The following MUC4 variants were observed in gnomAD, a reference collection of about 807,000 sequenced individuals.
The protein encoded by MUC4 is mucin 4, cell surface associated, also known as mucin-4.
MUC4 carries 202 observed loss-of-function variants against 257.9 expected under a neutral mutation model. The observed-to-expected ratio is 0.78, with a 90% CI of 0.70 to 0.88. The LOEUF is 0.88. Among genes scored for constraint, MUC4 ranks in the 40% least tolerant of loss-of-function variants. The probability of loss-of-function intolerance (pLI) is 0.00; values close to 1 mark genes in which losing one functional copy is unlikely to be tolerated. For synonymous variants in MUC4, 2,351 were observed against 2,757.1 expected, an observed-to-expected ratio of 0.85 and a Z score of 4.62; for missense variants, 5,976 against 6,513.7, an observed-to-expected ratio of 0.92 and a Z score of 2.84.
intron 17 of MUC4, among the ~76,000 whole-genome samples, chr3:195,758,047 AAG>A (rs1245851972): frequency 6.6e-6 from 1 of 152,216 alleles, no homozygotes; most frequent in Admixed American, 6.5e-5. Context: ...CACAGAGAGA[AAG>A]AACATCAGGC....
chr3:195,778,522 C>A (rs1428960634), intron 2 of MUC4, 67 bp from the exon 3 acceptor site: 2 of 1,580,446 alleles, frequency 1.3e-6, no homozygotes, highest in Non-Finnish European at 1.7e-6. Flanking sequence ...CAAAGAGATT[C>A]AAAGAAATCA....
At chr3:195,802,914 C>T in intron 1 of MUC4, among the ~76,000 whole-genome samples, 1 of 152,146 alleles carries the variant, frequency 6.6e-6, no homozygotes, top group Non-Finnish European at 1.5e-5. Flanking sequence ...AGGCCGTTTT[C>T]CTCAGCCTAA....
In MUC4 at chr3:195,790,060, G is replaced by A; in HGVS notation, c.1520C>T (p.Ser507Leu). The change falls in exon 2 of 25, where the codon TCA becomes TTA. Residue 507 changes from serine (S) to leucine (L), a missense_variant. This residue lies in a region of MUC4 where 1,583 missense variants were observed against 1,257.4 expected (regional missense o/e 1.26). Transcript: ENST00000463781. ...HTTWSQTELPSTSTGAATRLV... is the reference protein window; with the variant it reads ...HTTWSQTELPLTSTGAATRLV... ...CCTAGTGGCAGCACCTGTTGATGTT[G>A]AGGGCAGTTCTGTTTGTGACCAAGT... is the stretch of plus-strand genomic sequence containing the variant. 9 of 1,614,048 alleles carry A rather than the reference G, an allele frequency of 5.6e-6. No homozygotes were observed. The highest frequency in any genetic ancestry group is 7.6e-6 in the Non-Finnish European group (9 of 1,179,892).
Position 195,782,634 on chromosome 3 carries a change from AGTGT to A in MUC4, c.8942_8945del (p.Asp2981ValfsTer22). 4.4e-6 allele frequency: 4 copies of A among 907,218 alleles called. 2 individuals carry two copies. The African/African-American group carries it at 6.9e-5, about 16-fold the overall frequency. The allele number at this position is 907,218 out of a possible 1,614,324, so 56.2% of individuals were successfully genotyped here. On this transcript the variant is annotated frameshift_variant, in exon 2 of 25. Transcript: ENST00000463781. LOFTEE classifies it high-confidence loss of function. The stretch of plus-strand genomic sequence containing the variant: ...TGGCGTGACCTGTGGATGCTGAGGA[AGTGT>A]CGGTGTCAGGAAGAGGGGTGGCGTG...
rs1725635982 is a variant in MUC4 at position 195,778,712 on chromosome 3, T to C, written c.12790+78A>G. 6.2e-6 allele frequency: 9 copies of C among 1,442,086 alleles called. No individual in the cohort carries two copies. In the South Asian group the frequency reaches 1.1e-4, roughly 17 times the overall value. The allele number at this position is 1,442,086 out of a possible 1,614,324, so 89.3% of individuals were successfully genotyped here. On this transcript the variant is annotated intron_variant, in intron 2 of 24. Transcript: ENST00000463781. ...CCACCAGGTAATGCGAATGCACCAG[T>C]GTTCTCAGGTACTCCTTAGGCTGAA...
chr3:195,763,187 T>C (rs371524479), intron 12 of MUC4, among the ~76,000 whole-genome samples: 4 of 152,364 alleles, frequency 2.6e-5, no homozygotes, highest in African/African-American at 9.6e-5. Context: ...GTCATCCCCA[T>C]TCTTACTAGG....
At position 195,757,303 on chromosome 3, in the gene MUC4, G is replaced by C; in HGVS notation, c.15012C>G (p.Pro5004=). 3 of 1,608,134 alleles carry C rather than the reference G, an allele frequency of 1.9e-6. No individual in the cohort carries two copies. The South Asian group carries it at 3.3e-5, about 18-fold the overall frequency. Residue 5004 remains proline (P), a synonymous_variant, in exon 18 of 25, where the codon CCC becomes CCG. Transcript: ENST00000463781. The surrounding 1 kb of genome is among the most constrained non-coding windows in gnomAD (Gnocchi z 4.8). ...LFENGTLLWT[P]KSLEPFTLEI... ...CCAGAGTGAATGGCTCCAGCGACTT[G>C]GGTGTCCACAGCAACGTCCCATTCT... is the stretch of plus-strand genomic sequence containing the variant.
chr3:195,811,139 TA>T (rs1736661319), intron 1 of MUC4, among the ~76,000 whole-genome samples: 1 of 148,342 alleles, frequency 6.7e-6, no homozygotes, highest in Non-Finnish European at 1.5e-5. Context: ...TTTTTTATTT[TA>T]TTTTATATTT....
Position 195,747,077 on chromosome 3 carries a change from A to G in MUC4, c.*99T>C, listed in dbSNP as rs1715173140. The G allele has an allele frequency of 1.4e-6, 2 of 1,470,884 alleles. No homozygotes were observed. The highest frequency in any genetic ancestry group is 1.9e-6 in the Non-Finnish European group (2 of 1,060,222). The allele number at this position is 1,470,884 out of a possible 1,614,324, so 91.1% of individuals were successfully genotyped here. A position where few individuals can be genotyped will look rare whatever the true frequency, so the allele number is the denominator to read the frequency against. On this transcript the variant is annotated 3_prime_UTR_variant, in exon 25 of 25. Coordinates refer to ENST00000463781, the MANE Select transcript of MUC4 (RefSeq NM_018406.7). ...TCCTTGAAGAATCCTGACAGCCTTC[A>G]GTCACCTTCCCTTTTCCAGTCTCCC...
At position 195,791,440 on chromosome 3, in the gene MUC4, G is replaced by T. The variant is rs1733853250; in HGVS notation, c.140C>A (p.Thr47Lys). The T allele has an allele frequency of 7.4e-6, 12 of 1,614,002 alleles. No homozygotes were observed. Among genetic ancestry groups the T allele is most frequent in the Non-Finnish European group, 1.0e-5 (12 of 1,179,896 alleles). Residue 47 changes from threonine to lysine, a missense_variant, in exon 2 of 25, where the codon ACA becomes AAA. Physicochemically the swap from Thr to Lys is moderately conservative, Grantham distance 78. Transcript: ENST00000463781. ...GSKTAAPVTS[T>K]GSTTATLEGQ... ...CTCTAGTGTCGCTGTTGTTGAGCCT[G>T]TTGAGGTGACTGGGGCAGCAGTTTT...
chr3:195,811,393 C>G (rs1465747807), intron 1 of MUC4, among the ~76,000 whole-genome samples: 21 of 151,826 alleles, frequency 1.4e-4, no homozygotes, highest in Non-Finnish European at 2.9e-5. Flanking sequence ...AGGCTGGTCT[C>G]GAACTCCTGA....
At position 195,783,059 on chromosome 3, in the gene MUC4, C is replaced by T; in HGVS notation, c.8521G>A (p.Ala2841Thr). ...TSLPVTIPSS[A>T]SSGHTTPLPV... ...AGAGGGGTGGTGTGACCTGAGGATG[C>T]TGAGGAAGGGATGGTGACAGGAAGA... is the stretch of plus-strand genomic sequence containing the variant. Residue 2841 changes from alanine (A) to threonine (T), a missense_variant, in exon 2 of 25, where the codon GCA becomes ACA. Ala to Thr is a moderately conservative substitution (Grantham distance 58). Coordinates refer to ENST00000463781, the MANE Select transcript of MUC4 (RefSeq NM_018406.7). 1 of 810,318 alleles carries T rather than the reference C, an allele frequency of 1.2e-6. No homozygotes were observed. The highest frequency in any genetic ancestry group is 1.7e-6 in the Non-Finnish European group (1 of 576,512). 50.2% of individuals were successfully genotyped at this position (810,318 alleles called of 1,614,324 possible). A position where few individuals can be genotyped will look rare whatever the true frequency, so the allele number is the denominator to read the frequency against.
Position 195,755,141 on chromosome 3 carries a change from C to T in MUC4, c.15169-769G>A, listed in dbSNP as rs990772070. On this transcript the variant is annotated intron_variant, in intron 18 of 24. Transcript: ENST00000463781. This position sits in a 1 kb window ranked among gnomAD's most constrained non-coding sequence, Gnocchi z 5.0. ...AAGCCATCCTCCCACCTCAGCCTCC[C>T]GAGGAGCTGGGGCTACAGGCATGCA... Among the ~76,000 whole-genome samples, 27 of 151,936 alleles carry T rather than the reference C, an allele frequency of 1.8e-4. No homozygotes were observed. The highest frequency in any genetic ancestry group is 9.8e-4 in the Admixed American group (15 of 15,246).
At position 195,787,424 on chromosome 3, in the gene MUC4, ATAC is replaced by A; in HGVS notation, c.4153_4155del (p.Val1385del). 1 of 755,828 alleles carries A rather than the reference ATAC, an allele frequency of 1.3e-6. No individual in the cohort carries two copies. The highest frequency in any genetic ancestry group is 1.9e-6 in the Non-Finnish European group (1 of 528,372). 46.8% of individuals were successfully genotyped at this position (755,828 alleles called of 1,614,324 possible). On this transcript the variant is annotated inframe_deletion, in exon 2 of 25. Coordinates refer to ENST00000463781, the MANE Select transcript of MUC4 (RefSeq NM_018406.7). ...GGAAGAGGCGTGGTGTCACCTGTGG[ATAC>A]TGAGGAAAGGCTGGTGACAGGAAGA...
chr3:195,769,082 C>T lies in MUC4; in HGVS notation c.13469G>A (p.Gly4490Asp). The T allele has an allele frequency of 6.2e-7, 1 of 1,614,140 alleles. No individual in the cohort carries two copies. Reference protein sequence around the residue: ...RSYALFLYQSGGMQWDVAQRS... With the variant: ...RSYALFLYQSDGMQWDVAQRS... ...CTGGGCCACGTCCCACTGCATCCCA[C>T]CGCTCTGGTAGAGAAACAGGGCATA... is the stretch of plus-strand genomic sequence containing the variant. Residue 4490 changes from glycine to aspartate, a missense_variant, in exon 7 of 25, where the codon GGT becomes GAT. Gly to Asp is a moderately conservative substitution (Grantham distance 94). Coordinates refer to ENST00000463781, the MANE Select transcript of MUC4 (RefSeq NM_018406.7).
intron 1 of MUC4, among the ~76,000 whole-genome samples, chr3:195,793,206 TAA>T (rs1184081245): frequency 4.6e-5 from 7 of 151,924 alleles, no homozygotes; most frequent in African/African-American, 1.7e-4. Context: ...AAAAAAATAA[TAA>T]GAGATGGGGC....
Position 195,757,332 on chromosome 3 carries a change from C to T in MUC4, c.14987-4G>A. On this transcript the variant is annotated splice_region_variant and splice_polypyrimidine_tract_variant and intron_variant, in intron 17 of 24. Coordinates refer to ENST00000463781, the MANE Select transcript of MUC4 (RefSeq NM_018406.7). The surrounding 1 kb of genome is among the most constrained non-coding windows in gnomAD (Gnocchi z 4.8). Reference sequence around the variant, plus strand: ...GTCCACAGCAACGTCCCATTCTCTGCCCCGGGGAAGATGAGAATGTTGAGA... The same window carrying T: ...GTCCACAGCAACGTCCCATTCTCTGTCCCGGGGAAGATGAGAATGTTGAGA... The T allele has an allele frequency of 6.3e-7, 1 of 1,587,148 alleles. No homozygotes were observed. The highest frequency in any genetic ancestry group is 8.6e-7 in the Non-Finnish European group (1 of 1,158,316).
At chr3:195,764,258 G>A (rs561530294) in intron 10 of MUC4, 94 bp from the exon 11 acceptor site, 2 of 1,047,864 alleles carry the variant, frequency 1.9e-6, no homozygotes, top group South Asian at 2.0e-5. Flanking sequence ...AGGGCAGGGC[G>A]GTGTTGGTGG....
At position 195,810,962 on chromosome 3, in the gene MUC4, A is replaced by G. The variant is rs1343274168; in HGVS notation, c.82+774T>C. Among the ~76,000 whole-genome samples the G allele has an allele frequency of 2.6e-5, 4 of 151,722 alleles. No individual in the cohort carries two copies. The East Asian group carries it at 7.8e-4, about 29-fold the overall frequency. ...TCTGCCTGTCTTTCTCTCTGCGAGT[A>G]AGCCTGGGCTCTCACCATGGATCCT... On this transcript the variant is annotated intron_variant, in intron 1 of 24. Coordinates refer to ENST00000463781, the MANE Select transcript of MUC4 (RefSeq NM_018406.7). The surrounding 1 kb of genome is among the most constrained non-coding windows in gnomAD (Gnocchi z 4.2).
Sources: allele counts gnomAD v4.1 joint callset (sites outside exome capture counted in the v4.1 genomes callset), GRCh38; gene constraint gnomAD v4.1.1; regional missense constraint gnomAD v4.1.1; non-coding constraint Gnocchi (gnomAD v3.1); transcripts MANE v1.5; gene names NCBI Gene and HGNC (gene_info 2026-07-23, HGNC 2026-07-21).